Variants in RBMS3 observed in about 807,000 individuals in gnomAD.
RBMS3 encodes the protein RNA binding motif single stranded interacting protein 3.
RBMS3 carries 27 observed loss-of-function variants against 66.8 expected under a neutral mutation model. The ratio of observed to expected loss-of-function variants is 0.40; its 90% CI spans 0.30 to 0.56. RBMS3 has a LOEUF of 0.56. Among genes scored for constraint, RBMS3 ranks in the 20% least tolerant of loss-of-function variants. RBMS3 has a pLI of 0.40. For missense variants in RBMS3, 513 were observed against 549.5 expected, an observed-to-expected ratio of 0.93 and a Z score of 0.66; for synonymous variants, 188 against 183.0, an observed-to-expected ratio of 1.03 and a Z score of -0.22.
At chr3:29,579,082 T>TGAGC (rs2047232971) in intron 3 of RBMS3, among the ~76,000 whole-genome samples, 2 of 134,770 alleles carry the variant, frequency 1.5e-5, no homozygotes, top group Non-Finnish European at 3.1e-5. Context: ...ATTACAGGCG[T>TGAGC]GAGCCACCGC....
chr3:29,762,774 T>C, intron 5 of RBMS3, 136 bp from the exon 6 acceptor site: 2 of 654,846 alleles, frequency 3.1e-6, no homozygotes, highest in Non-Finnish European at 2.7e-6. Context: ...CTGGTCATCA[T>C]GTTCATGAAA....
At chr3:29,349,358 T>A (rs1446777883) in intron 1 of RBMS3, among the ~76,000 whole-genome samples, 1 of 152,224 alleles carries the variant, frequency 6.6e-6, no homozygotes, top group Non-Finnish European at 1.5e-5. Flanking sequence ...AGTCTGAGAA[T>A]GCAGGTCAAT....
chr3:29,995,780 A>G lies in RBMS3; in HGVS notation c.1307+4571A>G, dbSNP rs1168045186. On this transcript the variant is annotated intron_variant, in intron 14 of 14. Transcript: ENST00000383767. The stretch of plus-strand genomic sequence containing the variant: ...CTCCTAAAGGAAGCACTAAACATGG[A>G]AAGGAACAACCGGTACCAGCCACTG... Among the ~76,000 whole-genome samples the G allele has an allele frequency of 2.0e-5, 3 of 152,344 alleles. No individual in the cohort carries two copies. The East Asian group carries it at 5.8e-4, about 29-fold the overall frequency.
At chr3:29,899,149 A>G (rs1351719434) in intron 9 of RBMS3, among the ~76,000 whole-genome samples, 3 of 151,690 alleles carry the variant, frequency 2.0e-5, no homozygotes, top group Non-Finnish European at 3.0e-5. Context: ...TATGTGTTAT[A>G]CCAATTACCA....
chr3:29,864,821 AGGAAGGGAAG>A (rs200725025), intron 6 of RBMS3, among the ~76,000 whole-genome samples: 22 of 140,530 alleles, frequency 1.6e-4, no homozygotes, highest in African/African-American at 5.2e-4. Context: ...AAAGGAAGGA[AGGAAGGGAAG>A]GGAAGGGAAG....
intron 2 of RBMS3, among the ~76,000 whole-genome samples, chr3:29,440,647 A>G (rs1472061462): frequency 3.3e-5 from 5 of 152,230 alleles, no homozygotes; most frequent in Non-Finnish European, 7.3e-5. Flanking sequence ...ATGAAAAGCC[A>G]GAGGAACGAA....
At chr3:29,418,646 T>C (rs755734617) in intron 1 of RBMS3, among the ~76,000 whole-genome samples, 12 of 152,226 alleles carry the variant, frequency 7.9e-5, no homozygotes, top group South Asian at 2.1e-4. Context: ...TGTGATGTAG[T>C]GTATACTTTG....
At chr3:29,447,549 G>A (rs2041875718) in intron 2 of RBMS3, among the ~76,000 whole-genome samples, 1 of 152,088 alleles carries the variant, frequency 6.6e-6, no homozygotes, top group African/African-American at 2.4e-5. Context: ...TCTACGAAGT[G>A]GATATAGTAA....
chr3:29,585,523 A>T (rs2047488017), intron 3 of RBMS3, among the ~76,000 whole-genome samples: 1 of 152,068 alleles, frequency 6.6e-6, no homozygotes, highest in African/African-American at 2.4e-5. Context: ...CCCTAACCTC[A>T]GTTTCTTCAT....
intron 6 of RBMS3, among the ~76,000 whole-genome samples, chr3:29,790,708 A>G (rs908269857): frequency 6.6e-6 from 1 of 152,132 alleles, no homozygotes; most frequent in African/African-American, 2.4e-5. Flanking sequence ...AATTTTCAAA[A>G]AGACTCCTTT....
chr3:29,508,550 T>C (rs892487504), intron 3 of RBMS3, among the ~76,000 whole-genome samples: 3 of 152,126 alleles, frequency 2.0e-5, no homozygotes, highest in African/African-American at 7.2e-5. Flanking sequence ...TTGTGGCTGC[T>C]TAGTATTCCA....
intron 3 of RBMS3, among the ~76,000 whole-genome samples, chr3:29,523,613 A>G (rs1309226438): frequency 1.3e-5 from 2 of 152,198 alleles, no homozygotes; most frequent in African/African-American, 2.4e-5. Flanking sequence ...ACCAGTTATG[A>G]TTCTTGAAGC....
rs573780539 is a variant in RBMS3, at chr3:29,517,377, C to T, written c.307+28878C>T. 1.8e-4 allele frequency among the ~76,000 whole-genome samples: 27 copies of T among 148,874 alleles called. 1 individual carries two copies. In the South Asian group the frequency reaches 5.7e-3, roughly 32 times the overall value. The stretch of plus-strand genomic sequence containing the variant: ...TCGCTCTGTTGCCCAGGCTGGAGTA[C>T]AGTGGCGCAATCTTGGCTCACTGCA... On this transcript the variant is annotated intron_variant, in intron 3 of 14. Transcript: ENST00000383767.
At chr3:29,663,175 C>T (rs1293023137) in intron 4 of RBMS3, among the ~76,000 whole-genome samples, 1 of 152,212 alleles carries the variant, frequency 6.6e-6, no homozygotes, top group East Asian at 1.9e-4. Flanking sequence ...CACAATTTCT[C>T]CTTGTGGAAT....
At chr3:29,370,157 C>G (rs1414706549) in intron 1 of RBMS3, among the ~76,000 whole-genome samples, 1 of 152,142 alleles carries the variant, frequency 6.6e-6, no homozygotes, top group Non-Finnish European at 1.5e-5. Flanking sequence ...ACCAAGTTGT[C>G]TCGTATTTTC....
intron 4 of RBMS3, among the ~76,000 whole-genome samples, chr3:29,606,637 G>A (rs2048327993): frequency 6.6e-6 from 1 of 151,696 alleles, no homozygotes; most frequent in Admixed American, 6.6e-5. Flanking sequence ...TTTTATATAT[G>A]CAATATAAAA....
intron 4 of RBMS3, among the ~76,000 whole-genome samples, chr3:29,590,567 T>TA (rs1372769285): frequency 6.6e-6 from 1 of 151,648 alleles, no homozygotes; most frequent in Admixed American, 6.6e-5. Context: ...GAAGATTGAA[T>TA]AAAAAATTCT....
chr3:29,899,972 G>T (rs563495220), intron 10 of RBMS3, among the ~76,000 whole-genome samples: 2 of 151,278 alleles, frequency 1.3e-5, no homozygotes, highest in Non-Finnish European at 3.0e-5. Context: ...AAGAGAGAGG[G>T]TGAAAAAGCA....
intron 6 of RBMS3, among the ~76,000 whole-genome samples, chr3:29,769,690 T>G (rs1002129059): frequency 6.6e-6 from 1 of 151,850 alleles, no homozygotes; most frequent in African/African-American, 2.4e-5. Context: ...TCAAGGGCTG[T>G]ATGCTTAGCT....
Sources: gnomAD v4.1 joint callset for allele counts (sites outside exome capture counted in the v4.1 genomes callset) on GRCh38, gnomAD v4.1.1 for gene constraint, MANE v1.5 for transcripts, NCBI Gene and HGNC (gene_info 2026-07-23, HGNC 2026-07-21) for gene names.